The following PDE4D variants were observed in gnomAD, a reference collection of about 807,000 sequenced individuals.
PDE4D encodes the protein phosphodiesterase 4D.
In PDE4D, 24 loss-of-function variants were observed where a neutral mutation model predicts 87.4. The ratio of observed to expected loss-of-function variants is 0.27; its 90% CI spans 0.20 to 0.39. PDE4D has a LOEUF of 0.39. PDE4D is among the 10% of genes least tolerant of loss of function. PDE4D has a pLI of 1.00. For synonymous variants in PDE4D, 384 were observed against 383.2 expected (o/e 1.00, Z -0.02); for missense variants, 714 against 1,041.0 (o/e 0.69, Z 4.32).
intron 2 of PDE4D, among the ~76,000 whole-genome samples, chr5:60,048,873 T>C (rs1769694384): frequency 6.6e-6 from 1 of 152,224 alleles, no homozygotes; most frequent in African/African-American, 2.4e-5. Context: ...GGAGTATCTT[T>C]TTGGCATTCT....
chr5:59,764,920 G>A (rs968280752), intron 1 of PDE4D, among the ~76,000 whole-genome samples: 1 of 152,050 alleles, frequency 6.6e-6, no homozygotes, highest in African/African-American at 2.4e-5. Context: ...GCCTCCCAAA[G>A]TGCTAGGATT....
intron 1 of PDE4D, chr5:59,276,136 A>G (rs945583509): frequency 3.0e-6 from 3 of 983,828 alleles, no homozygotes; most frequent in Non-Finnish European, 3.6e-6. Context: ...AAAAAAAAAA[A>G]AAAAAAAGAA....
intron 1 of PDE4D, among the ~76,000 whole-genome samples, chr5:60,315,285 T>A (rs1755455806): frequency 6.6e-6 from 1 of 152,376 alleles, no homozygotes; most frequent in African/African-American, 2.4e-5. Flanking sequence ...AAATGTCTTC[T>A]TTTGAGAAAT....
chr5:59,497,205 T>C (rs1440441082), intron 1 of PDE4D, among the ~76,000 whole-genome samples: 2 of 151,142 alleles, frequency 1.3e-5, no homozygotes, highest in Admixed American at 6.6e-5. Context: ...AATAGCAAAT[T>C]CAAAAAAGAA....
At chr5:60,068,757 C>A (rs1181784900) in intron 2 of PDE4D, among the ~76,000 whole-genome samples, 1 of 152,076 alleles carries the variant, frequency 6.6e-6, no homozygotes, top group Non-Finnish European at 1.5e-5. Context: ...CCTACCATAT[C>A]CAGCTAATTT....
intron 2 of PDE4D, among the ~76,000 whole-genome samples, chr5:60,045,373 C>A (rs1355336306): frequency 1.3e-5 from 2 of 151,568 alleles, no homozygotes; most frequent in South Asian, 2.1e-4. Flanking sequence ...TTAATTAGAT[C>A]CTATTTGTCA....
chr5:59,211,821 GGATAA>G, intron 2 of PDE4D, among the ~76,000 whole-genome samples: 1 of 151,986 alleles, frequency 6.6e-6, no homozygotes, highest in East Asian at 1.9e-4. Context: ...TATTTATAGA[GGATAA>G]GATGACGATA....
At chr5:60,472,027 G>C (rs548001093) in intron 1 of PDE4D, among the ~76,000 whole-genome samples, 1 of 152,162 alleles carries the variant, frequency 6.6e-6, no homozygotes, top group Admixed American at 6.6e-5. Context: ...GGCAAACCAT[G>C]TAACACCTGA....
intron 1 of PDE4D, among the ~76,000 whole-genome samples, chr5:60,431,558 G>A (rs866375748): frequency 4.0e-5 from 6 of 150,940 alleles, no homozygotes; most frequent in South Asian, 4.2e-4. Context: ...ATGGGATGGC[G>A]GCCGGGCAGA....
chr5:59,463,048 A>C (rs756287119), intron 1 of PDE4D, among the ~76,000 whole-genome samples: 37 of 152,342 alleles, frequency 2.4e-4, no homozygotes, highest in Middle Eastern at 3.4e-3. Flanking sequence ...TTGGTTAGTC[A>C]TTAAATTCAA....
At chr5:59,614,599 A>G (rs1829422723) in intron 1 of PDE4D, among the ~76,000 whole-genome samples, 1 of 152,192 alleles carries the variant, frequency 6.6e-6, no homozygotes. Flanking sequence ...AAATGGAGAG[A>G]ATACCAATCC....
chr5:59,521,968 G>A (rs1447150150), intron 1 of PDE4D, among the ~76,000 whole-genome samples: 1 of 151,924 alleles, frequency 6.6e-6, no homozygotes, highest in Non-Finnish European at 1.5e-5. Flanking sequence ...AGAATGAAAG[G>A]GTTTTTACAC....
At chr5:60,076,765 T>G (rs2409681) in intron 2 of PDE4D, among the ~76,000 whole-genome samples, 1 of 152,146 alleles carries the variant, frequency 6.6e-6, no homozygotes, top group African/African-American at 2.4e-5. Flanking sequence ...AAGAGCTTCA[T>G]AGGGCAGAGG....
At chr5:59,126,610 C>T (rs1775437053) in intron 5 of PDE4D, among the ~76,000 whole-genome samples, 1 of 152,180 alleles carries the variant, frequency 6.6e-6, no homozygotes, top group African/African-American at 2.4e-5. Context: ...AGGGCTGCTC[C>T]TCTAGTATCA....
chr5:59,290,192 A>T (rs1767750676), intron 1 of PDE4D, among the ~76,000 whole-genome samples: 1 of 152,050 alleles, frequency 6.6e-6, no homozygotes, highest in African/African-American at 2.4e-5. Flanking sequence ...TGAAACTATA[A>T]AAGACTCAAA....
intron 1 of PDE4D, among the ~76,000 whole-genome samples, chr5:59,417,856 C>T (rs913419491): frequency 7.2e-5 from 11 of 152,180 alleles, no homozygotes; most frequent in African/African-American, 2.7e-4. Flanking sequence ...AAACATTCGC[C>T]GCTATCTACT....
rs10051847 is a variant in PDE4D at position 58,975,869 on chromosome 5, C to G, written c.1831-30G>C. ...AATAGATGGATGCATTCTCTATTCA[C>G]TCCTGTTCCTTTTTTTTAAAAAAAA... On this transcript the variant is annotated intron_variant, in intron 13 of 14. Coordinates refer to ENST00000340635, the MANE Select transcript of PDE4D (RefSeq NM_001104631.2). This position sits in a 1 kb window ranked among gnomAD's most constrained non-coding sequence, Gnocchi z 4.2. The G allele has an allele frequency of 7.4e-7, 1 of 1,344,496 alleles. No individual in the cohort carries two copies. Among genetic ancestry groups the G allele is most frequent in the Non-Finnish European group, 9.7e-7 (1 of 1,026,000 alleles). 83.3% of individuals were successfully genotyped at this position (1,344,496 alleles called of 1,614,324 possible).
Position 60,320,359 on chromosome 5 carries a change from G to A in PDE4D, c.-89-134672C>T, listed in dbSNP as rs931309464. 1.1e-4 allele frequency among the ~76,000 whole-genome samples: 16 copies of A among 152,170 alleles called. 1 individual carries two copies. Among genetic ancestry groups the A allele is most frequent in the African/African-American group, 3.6e-4 (15 of 41,450 alleles). ...TGCAGTATTACGGTGGGAGTGACCT[G>A]ATTTTCCGGATGCCGTCTGTCACCC... On this transcript the variant is annotated intron_variant, in intron 1 of 16. Transcript: ENST00000502484.
chr5:60,050,253 C>G (rs1203050649), intron 2 of PDE4D, among the ~76,000 whole-genome samples: 1 of 152,114 alleles, frequency 6.6e-6, no homozygotes, highest in African/African-American at 2.4e-5. Flanking sequence ...CACTGACCTG[C>G]GCCCACTGTC....
Sources: gnomAD v4.1 joint callset for allele counts (sites outside exome capture counted in the v4.1 genomes callset) on GRCh38, gnomAD v4.1.1 for gene constraint, Gnocchi (gnomAD v3.1) non-coding constraint, MANE v1.5 for transcripts, NCBI Gene and HGNC (gene_info 2026-07-23, HGNC 2026-07-21) for gene names.